NEBL: variants seen among roughly 807,000 people sequenced by gnomAD.
NEBL encodes LIM and SH3 protein 2.
NEBL carries 122 observed loss-of-function variants against 140.2 expected under a neutral mutation model. The observed-to-expected ratio is 0.87, with a 90% CI of 0.75 to 1.01. NEBL has a LOEUF of 1.01. Among genes scored for constraint, NEBL ranks in the 50% least tolerant of loss-of-function variants. NEBL has a pLI of 0.00. For missense variants in NEBL, 1,365 were observed against 1,231.3 expected (o/e 1.11, Z -1.62); for synonymous variants, 436 against 398.9 (o/e 1.09, Z -1.11).
At chr10:21,269,640 G>C (rs773267269) in intron 1 of NEBL, among the ~76,000 whole-genome samples, 1 of 152,186 alleles carries the variant, frequency 6.6e-6, no homozygotes, top group African/African-American at 2.4e-5. Flanking sequence ...TTAGGATGAA[G>C]CCCACAGTTC....
intron 26 of NEBL, among the ~76,000 whole-genome samples, chr10:20,806,204 A>G (rs1244417330): frequency 6.6e-6 from 1 of 152,140 alleles, no homozygotes; most frequent in African/African-American, 2.4e-5. Flanking sequence ...GCAAAGAGAC[A>G]AGTGACGTGG....
intron 3 of NEBL, among the ~76,000 whole-genome samples, chr10:20,992,655 AC>A (rs1184624913): frequency 6.7e-6 from 1 of 148,346 alleles, no homozygotes; most frequent in African/African-American, 2.5e-5. Context: ...TAGCTCTCCT[AC>A]CCTCGCCTTG....
chr10:21,257,914 A>AG (rs1437956569), intron 1 of NEBL, among the ~76,000 whole-genome samples: 2 of 130,450 alleles, frequency 1.5e-5, no homozygotes. Context: ...AAAAAACATC[A>AG]AAACACACAC....
chr10:21,028,775 TAA>T (rs201150512), intron 2 of NEBL, among the ~76,000 whole-genome samples: 1 of 144,850 alleles, frequency 6.9e-6, no homozygotes, highest in South Asian at 2.2e-4. Flanking sequence ...CAATATAATT[TAA>T]AAAAAAAAAT....
chr10:21,290,578 A>G (rs1049995935), intron 1 of NEBL, among the ~76,000 whole-genome samples: 4 of 152,212 alleles, frequency 2.6e-5, no homozygotes, highest in African/African-American at 9.6e-5. Context: ...AAATCATCAC[A>G]ATGTTCAGAC....
At chr10:20,851,809 G>A (rs766957217) in intron 10 of NEBL, among the ~76,000 whole-genome samples, 1 of 151,950 alleles carries the variant, frequency 6.6e-6, no homozygotes, top group Non-Finnish European at 1.5e-5. Context: ...TGAAATAAAT[G>A]AAATGAAAAT....
chr10:21,292,981 G>T (rs1301274264), exon 1 of NEBL, among the ~76,000 whole-genome samples: 2 of 152,144 alleles, frequency 1.3e-5, no homozygotes, highest in Non-Finnish European at 2.9e-5. Flanking sequence ...GCATTAAAGA[G>T]CCCAGGCAGA....
At chr10:20,960,704 A>G (rs1836010630) in intron 4 of NEBL, among the ~76,000 whole-genome samples, 1 of 151,428 alleles carries the variant, frequency 6.6e-6, no homozygotes, top group Non-Finnish European at 1.5e-5. Flanking sequence ...ATACACATGT[A>G]TTTTATACAC....
intron 4 of NEBL, among the ~76,000 whole-genome samples, chr10:20,952,373 GT>G (rs1835518404): frequency 6.6e-6 from 1 of 150,538 alleles, no homozygotes; most frequent in African/African-American, 2.5e-5. Context: ...GGAGGCAGAG[GT>G]TGCCATGAGC....
At chr10:21,264,369 G>A (rs376955053) in intron 1 of NEBL, among the ~76,000 whole-genome samples, 2 of 152,312 alleles carry the variant, frequency 1.3e-5, no homozygotes, top group South Asian at 2.1e-4. Context: ...AGGAGCTAGA[G>A]AAGAGGCATT....
At chr10:20,856,350 A>G (rs906056467) in intron 9 of NEBL, among the ~76,000 whole-genome samples, 1 of 152,186 alleles carries the variant, frequency 6.6e-6, no homozygotes, top group African/African-American at 2.4e-5. Flanking sequence ...ATTGCATAGG[A>G]GTGGCACGCT....
At chr10:21,003,582 G>A (rs1347156991) in intron 3 of NEBL, among the ~76,000 whole-genome samples, 2 of 152,148 alleles carry the variant, frequency 1.3e-5, no homozygotes, top group African/African-American at 4.8e-5. Context: ...ACCTACATCT[G>A]AAACCAACTC....
At chr10:20,879,055 A>G (rs1305085577) in intron 5 of NEBL, among the ~76,000 whole-genome samples, 1 of 152,178 alleles carries the variant, frequency 6.6e-6, no homozygotes, top group Non-Finnish European at 1.5e-5. Flanking sequence ...GTGTCAAAAT[A>G]CTGGAAACTC....
intron 2 of NEBL, among the ~76,000 whole-genome samples, chr10:21,028,319 A>T (rs959477343): frequency 5.3e-5 from 8 of 151,854 alleles, no homozygotes; most frequent in Admixed American, 5.3e-4. Flanking sequence ...TCTGAGAGAG[A>T]GTACCACCAT....
In NEBL at chr10:21,173,634, C is replaced by T. The variant is rs1841183134; in HGVS notation, c.69+131G>A. ...GCTGGCGTCTTCGTTCGCGCGCCCT[C>T]CCCCCGTGCCAAGGCACACGCACAC... On this transcript the variant is annotated intron_variant, in intron 1 of 6. Transcript: ENST00000417816. The surrounding 1 kb of genome is among the most constrained non-coding windows in gnomAD (Gnocchi z 5.7). 1.4e-6 allele frequency: 2 copies of T among 1,468,306 alleles called. No individual in the cohort carries two copies. Among genetic ancestry groups the T allele is most frequent in the Non-Finnish European group, 1.9e-6 (2 of 1,071,520 alleles). The allele number at this position is 1,468,306 out of a possible 1,614,324, so 91.0% of individuals were successfully genotyped here. A position where few individuals can be genotyped will look rare whatever the true frequency, so the allele number is the denominator to read the frequency against.
At chr10:21,168,720 TG>T (rs1840908451) in intron 2 of NEBL, among the ~76,000 whole-genome samples, 1 of 152,068 alleles carries the variant, frequency 6.6e-6, no homozygotes, top group African/African-American at 2.4e-5. Flanking sequence ...AATGTCACGA[TG>T]TATGAAACCA....
At chr10:21,258,574 G>A (rs1372874660) in intron 1 of NEBL, among the ~76,000 whole-genome samples, 8 of 151,304 alleles carry the variant, frequency 5.3e-5, no homozygotes, top group African/African-American at 4.9e-5. Flanking sequence ...GTGTGGTGGC[G>A]GGCGCCTGTA....
chr10:21,290,106 G>A (rs549121704), intron 1 of NEBL, among the ~76,000 whole-genome samples: 4 of 152,268 alleles, frequency 2.6e-5, no homozygotes, highest in African/African-American at 9.6e-5. Flanking sequence ...AGGAAGCAAG[G>A]CCAAGAGGGC....
At chr10:21,068,201 A>C (rs1835654966) in intron 2 of NEBL, among the ~76,000 whole-genome samples, 1 of 152,196 alleles carries the variant, frequency 6.6e-6, no homozygotes, top group Non-Finnish European at 1.5e-5. Context: ...TGTGTTGAAC[A>C]CTTTTATAAA....
Sources: allele counts gnomAD v4.1 joint callset (sites outside exome capture counted in the v4.1 genomes callset), GRCh38; gene constraint gnomAD v4.1.1; non-coding constraint Gnocchi (gnomAD v3.1); transcripts MANE v1.5; gene names NCBI Gene and HGNC (gene_info 2026-07-23, HGNC 2026-07-21).